Variants in CTNNA1 observed in about 807,000 individuals in gnomAD.
CTNNA1 encodes the protein catenin alpha 1.
A neutral mutation model predicts 98.4 loss-of-function variants in CTNNA1; 37 were observed. The observed-to-expected ratio is 0.38, with a 90% confidence interval of 0.29 to 0.49. The LOEUF is 0.49. Ranked by LOEUF, CTNNA1 falls within the 20% of genes least tolerant of loss-of-function variation. The pLI, the probability that CTNNA1 is intolerant of heterozygous loss-of-function variation, is 0.95. For missense variants in CTNNA1, 761 were observed against 1,147.2 expected (o/e 0.66, Z 4.86); for synonymous variants, 404 against 413.2 (o/e 0.98, Z 0.27).
At chr5:138,927,669 CTT>C (rs1764395966) in intron 13 of CTNNA1, among the ~76,000 whole-genome samples, 1 of 152,034 alleles carries the variant, frequency 6.6e-6, no homozygotes, top group South Asian at 2.1e-4. Flanking sequence ...CTGTTTGTCA[CTT>C]TGTATCTTTA....
At chr5:138,917,705 A>C (rs1217040803) in intron 10 of CTNNA1, 37 bp from the exon 11 acceptor site, 7 of 1,605,406 alleles carry the variant, frequency 4.4e-6, no homozygotes, top group Non-Finnish European at 6.0e-6. Context: ...CATGACTCTG[A>C]AAAAGAGTAA....
At chr5:138,867,965 T>A (rs1004723910) in intron 7 of CTNNA1, among the ~76,000 whole-genome samples, 2 of 152,116 alleles carry the variant, frequency 1.3e-5, no homozygotes, top group African/African-American at 4.8e-5. Flanking sequence ...TTGGCCAGAC[T>A]GGTCTCAAAC....
intron 8 of CTNNA1, among the ~76,000 whole-genome samples, chr5:138,886,917 A>T (rs1036338717): frequency 6.6e-6 from 1 of 152,268 alleles, no homozygotes; most frequent in South Asian, 2.1e-4. Flanking sequence ...AATTTTTAAG[A>T]GGTAATGGAC....
At chr5:138,797,389 A>G (rs1757090763) in intron 3 of CTNNA1, among the ~76,000 whole-genome samples, 1 of 152,206 alleles carries the variant, frequency 6.6e-6, no homozygotes, top group Admixed American at 6.5e-5. Context: ...ACATAAACAC[A>G]TTGTGATCTC....
chr5:138,866,273 C>CATTTATTT (rs201730664), intron 7 of CTNNA1, among the ~76,000 whole-genome samples: 11,850 of 138,464 alleles, frequency 0.086, 567 homozygotes, highest in East Asian at 0.12. Context: ...TGTTGTAACT[C>CATTTATTT]ATTTATTTAT....
chr5:138,778,556 A>C (rs1754676324), intron 1 of CTNNA1, among the ~76,000 whole-genome samples: 1 of 152,190 alleles, frequency 6.6e-6, no homozygotes, highest in South Asian at 2.1e-4. Flanking sequence ...CCCATCTGTC[A>C]TAAATAAATA....
intron 11 of CTNNA1, among the ~76,000 whole-genome samples, chr5:138,924,039 T>G (rs914967218): frequency 2.6e-5 from 4 of 152,260 alleles, no homozygotes; most frequent in African/African-American, 7.2e-5. Context: ...ATCCCAGGGC[T>G]GTACTGGCTT....
At chr5:138,758,440 C>T (rs531074769) in intron 1 of CTNNA1, among the ~76,000 whole-genome samples, 2 of 151,730 alleles carry the variant, frequency 1.3e-5, no homozygotes, top group Non-Finnish European at 2.9e-5. Flanking sequence ...TGCAGTGGCA[C>T]GATCTTGGCT....
chr5:138,830,374 G>A (rs1761158586), intron 7 of CTNNA1, among the ~76,000 whole-genome samples: 1 of 152,108 alleles, frequency 6.6e-6, no homozygotes, highest in Non-Finnish European at 1.5e-5. Flanking sequence ...AAACAAAAAA[G>A]CACAAAAGAA....
chr5:138,786,285 T>G (rs1755698609), intron 3 of CTNNA1, among the ~76,000 whole-genome samples: 1 of 152,250 alleles, frequency 6.6e-6, no homozygotes, highest in South Asian at 2.1e-4. Flanking sequence ...CTTGGCTTAC[T>G]TTTTTCTTTG....
At chr5:138,800,283 A>G (rs1040510633) in intron 3 of CTNNA1, among the ~76,000 whole-genome samples, 15 of 152,340 alleles carry the variant, frequency 9.8e-5, no homozygotes, top group African/African-American at 2.2e-4. Flanking sequence ...GGGCTGCTAT[A>G]AGAAAGGCAT....
rs898078937 is a variant in CTNNA1, at chr5:138,800,085, C to T, written c.302-9953C>T. The stretch of plus-strand genomic sequence containing the variant: ...CTAAATTTAGTATTTTTAGTAGAGA[C>T]GGGGTTTTGCCATGTTGGCCAGGCT... On this transcript the variant is annotated intron_variant, in intron 3 of 17. Transcript: ENST00000302763. Among the ~76,000 whole-genome samples the T allele has an allele frequency of 1.2e-4, 18 of 151,968 alleles. 1 individual carries two copies. The highest frequency in any genetic ancestry group is 4.6e-4 in the Admixed American group (7 of 15,264).
intron 5 of CTNNA1, among the ~76,000 whole-genome samples, chr5:138,815,611 C>T (rs1759354013): frequency 6.6e-6 from 1 of 152,172 alleles, no homozygotes; most frequent in Non-Finnish European, 1.5e-5. Context: ...TGTAGTTTTT[C>T]TGTATTTTGT....
At chr5:138,768,426 G>A (rs147188032) in intron 1 of CTNNA1, among the ~76,000 whole-genome samples, 73 of 151,436 alleles carry the variant, frequency 4.8e-4, no homozygotes, top group African/African-American at 1.6e-3. Context: ...ACCCAGCTAA[G>A]CTTTTTTTTT....
At chr5:138,823,495 T>C (rs1162716609) in intron 5 of CTNNA1, among the ~76,000 whole-genome samples, 1 of 152,148 alleles carries the variant, frequency 6.6e-6, no homozygotes, top group Non-Finnish European at 1.5e-5. Context: ...TTTAATGTAC[T>C]GTGTAAGAAA....
chr5:138,808,163 C>G (rs1047439177), intron 3 of CTNNA1, among the ~76,000 whole-genome samples: 1 of 152,158 alleles, frequency 6.6e-6, no homozygotes, highest in African/African-American at 2.4e-5. Context: ...GCACCTTGTT[C>G]ACAAGGCTAT....
chr5:138,797,529 T>C (rs1246561078), intron 3 of CTNNA1, among the ~76,000 whole-genome samples: 1 of 152,210 alleles, frequency 6.6e-6, no homozygotes, highest in African/African-American at 2.4e-5. Context: ...TGTGTTTCTC[T>C]ACTGGGCTGG....
At chr5:138,784,899 C>T (rs527808874) in intron 3 of CTNNA1, among the ~76,000 whole-genome samples, 1 of 152,054 alleles carries the variant, frequency 6.6e-6, no homozygotes, top group African/African-American at 2.4e-5. Flanking sequence ...GGACATCAAC[C>T]ATTGAATTAG....
Position 138,934,335 on chromosome 5 carries a change from C to T in CTNNA1, c.*246C>T. 4.1e-6 allele frequency: 2 copies of T among 489,272 alleles called. No individual in the cohort carries two copies. The highest frequency in any genetic ancestry group is 7.2e-6 in the Non-Finnish European group (2 of 276,890). The allele number at this position is 489,272 out of a possible 1,614,324, so 30.3% of individuals were successfully genotyped here. A position where few individuals can be genotyped will look rare whatever the true frequency, so the allele number is the denominator to read the frequency against. ...CTTAAATAAAAATAAAAATTCATAA[C>T]CAAAGAGAATCCCACATTAGCTTGT... On this transcript the variant is annotated 3_prime_UTR_variant, in exon 18 of 18. Coordinates refer to ENST00000302763, the MANE Select transcript of CTNNA1 (RefSeq NM_001903.5).
Sources: allele counts gnomAD v4.1 joint callset (sites outside exome capture counted in the v4.1 genomes callset), GRCh38; gene constraint gnomAD v4.1.1; transcripts MANE v1.5; gene names NCBI Gene and HGNC (gene_info 2026-07-23, HGNC 2026-07-21).